Variants in BTBD8 observed in about 807,000 individuals in gnomAD.
The protein encoded by BTBD8 is BTB/POZ domain-containing protein 8.
Under a neutral mutation model 162.9 loss-of-function variants are expected in BTBD8, and 110 were observed. The ratio of observed to expected loss-of-function variants is 0.68; its 90% CI spans 0.58 to 0.79. The LOEUF (loss-of-function observed/expected upper bound fraction) is 0.79. Among genes scored for constraint, BTBD8 ranks in the 30% least tolerant of loss-of-function variants. The pLI is 0.00. For synonymous variants in BTBD8, 667 were observed against 716.1 expected (o/e 0.93, Z 1.10); for missense variants, 1,905 against 2,085.4 (o/e 0.91, Z 1.68).
At position 92,147,733 on chromosome 1, in the gene BTBD8, A is replaced by G. The variant is rs556640004; in HGVS notation, c.1069A>G (p.Asn357Asp). 2.5e-6 allele frequency: 4 copies of G among 1,613,702 alleles called. No individual in the cohort carries two copies. Among genetic ancestry groups the G allele is most frequent in the African/African-American group, 2.7e-5 (2 of 75,026 alleles). ...GTTTTGGTCTGAGAGAAGCTTTGCA[A>G]ATATACCTCCTGAGATTCAGAAAAG... ...ARFWSERSFA[N>D]IPPEIQKSCL... The change falls in exon 9 of 18, where the codon AAT becomes GAT. Residue 357 changes from asparagine to aspartate, a missense_variant. Asn to Asp is a conservative substitution (Grantham distance 23). This residue lies in a region of BTBD8 where 1,374 missense variants were observed against 1,442.7 expected (regional missense o/e 0.95). Coordinates refer to ENST00000636805, the MANE Select transcript of BTBD8 (RefSeq NM_001376131.1).
chr1:92,126,085 C>G, intron 4 of BTBD8: 1 of 490,382 alleles, frequency 2.0e-6, no homozygotes. Flanking sequence ...AGTAAAGTGT[C>G]TATTTTAGAG....
intron 9 of BTBD8, among the ~76,000 whole-genome samples, chr1:92,161,544 C>A (rs1650273352): frequency 6.6e-6 from 1 of 152,098 alleles, no homozygotes; most frequent in South Asian, 2.1e-4. Flanking sequence ...TTTTAAAAAT[C>A]AAAGCGAAAC....
intron 4 of BTBD8, among the ~76,000 whole-genome samples, chr1:92,120,519 G>T (rs1056539018): frequency 3.9e-5 from 6 of 152,036 alleles, no homozygotes; most frequent in African/African-American, 1.5e-4. Flanking sequence ...AGCCAGTAAC[G>T]TAGTTGTTTA....
intron 9 of BTBD8, among the ~76,000 whole-genome samples, chr1:92,163,103 C>A (rs555463287): frequency 1.0e-3 from 159 of 151,496 alleles, no homozygotes; most frequent in African/African-American, 3.8e-3. Context: ...GCCTGTAATC[C>A]CAGCACTTTG....
intron 4 of BTBD8, among the ~76,000 whole-genome samples, chr1:92,117,327 T>G (rs529568674): frequency 4.9e-5 from 7 of 143,958 alleles, no homozygotes; most frequent in African/African-American, 1.6e-4. Flanking sequence ...TGAACTTTAT[T>G]GTTTTTCTTG....
At chr1:92,171,490 T>C in intron 13 of BTBD8, 30 bp downstream of exon 13, 1 of 1,309,026 alleles carries the variant, frequency 7.6e-7, no homozygotes, top group East Asian at 2.6e-5. Context: ...TAGGTACAAA[T>C]GAAAAAGATA....
Position 92,147,321 on chromosome 1 carries a change from T to C in BTBD8, c.1019+53T>C. 2.0e-6 allele frequency: 3 copies of C among 1,475,722 alleles called. No individual in the cohort carries two copies. The South Asian group carries it at 3.6e-5, about 18-fold the overall frequency. 91.4% of individuals were successfully genotyped at this position (1,475,722 alleles called of 1,614,324 possible). On this transcript the variant is annotated intron_variant, in intron 8 of 17. Coordinates refer to ENST00000636805, the MANE Select transcript of BTBD8 (RefSeq NM_001376131.1). ...TATTAATTTAGGGATTTTGTTTTTCTGTTCTTCTAATTTTGTGGGGAACTT... is the reference window on the plus strand; with the variant it reads ...TATTAATTTAGGGATTTTGTTTTTCCGTTCTTCTAATTTTGTGGGGAACTT...
At chr1:92,101,730 C>T (rs12087282) in intron 2 of BTBD8, among the ~76,000 whole-genome samples, 6,265 of 152,192 alleles carry the variant, frequency 0.041, 466 homozygotes, top group African/African-American at 0.14. Flanking sequence ...CAGGGTTTCA[C>T]TCTGTTGCCC....
intron 3 of BTBD8, among the ~76,000 whole-genome samples, chr1:92,106,919 A>G (rs921476467): frequency 4.6e-5 from 7 of 151,946 alleles, no homozygotes; most frequent in African/African-American, 2.4e-5. Context: ...TATATAAAAC[A>G]TAAAAGTAGC....
chr1:92,184,329 AAGT>A lies in BTBD8; in HGVS notation c.5379_*2del. 1.3e-6 allele frequency: 2 copies of A among 1,533,246 alleles called. No individual in the cohort carries two copies. Among genetic ancestry groups the A allele is most frequent in the South Asian group, 1.2e-5 (1 of 81,608 alleles). The allele number at this position is 1,533,246 out of a possible 1,614,324, so 95.0% of individuals were successfully genotyped here. A position where few individuals can be genotyped will look rare whatever the true frequency, so the allele number is the denominator to read the frequency against. On this transcript the variant is annotated stop_retained_variant and 3_prime_UTR_variant, in exon 18 of 18. Coordinates refer to ENST00000636805, the MANE Select transcript of BTBD8 (RefSeq NM_001376131.1). ...ATTCTGGAACTGGAAACTCAGCATT[AAGT>A]GTTAACATTTTGGAAAAATTTATGC...
intron 9 of BTBD8, among the ~76,000 whole-genome samples, chr1:92,161,913 C>T (rs1407769982): frequency 2.6e-5 from 4 of 152,138 alleles, no homozygotes; most frequent in Non-Finnish European, 5.9e-5. Flanking sequence ...CACAAAAGAT[C>T]TCTTAGCCTT....
intron 5 of BTBD8, among the ~76,000 whole-genome samples, chr1:92,137,372 A>G (rs561278909): frequency 4.6e-5 from 7 of 152,310 alleles, no homozygotes; most frequent in African/African-American, 1.7e-4. Context: ...ATACGGTCAT[A>G]GTACAGATGG....
intron 4 of BTBD8, among the ~76,000 whole-genome samples, chr1:92,128,716 G>A (rs1649431807): frequency 6.6e-6 from 1 of 152,014 alleles, no homozygotes; most frequent in Non-Finnish European, 1.5e-5. Context: ...CACCGTGCCT[G>A]GCCTATTATT....
chr1:92,084,769 A>G (rs552260355), intron 1 of BTBD8, among the ~76,000 whole-genome samples: 2 of 152,294 alleles, frequency 1.3e-5, no homozygotes, highest in African/African-American at 4.8e-5. Flanking sequence ...TGAGGTTAAT[A>G]GAGGTTCAGC....
chr1:92,092,157 T>TG (rs1171541802), intron 2 of BTBD8, among the ~76,000 whole-genome samples: 1 of 151,954 alleles, frequency 6.6e-6, no homozygotes, highest in Non-Finnish European at 1.5e-5. Flanking sequence ...TCCCAGCACT[T>TG]TGGGGGGCTG....
intron 16 of BTBD8, among the ~76,000 whole-genome samples, chr1:92,179,072 C>A (rs1442531737): frequency 6.6e-6 from 1 of 151,840 alleles, no homozygotes; most frequent in Non-Finnish European, 1.5e-5. Flanking sequence ...ATGGTGAAAC[C>A]CCATCTCTAC....
intron 4 of BTBD8, 49 bp downstream of exon 4, chr1:92,108,050 G>T: frequency 6.6e-7 from 1 of 1,511,202 alleles, no homozygotes; most frequent in South Asian, 1.1e-5. Context: ...TGTAGAGTGT[G>T]GAAGGGCAGC....
intron 4 of BTBD8, among the ~76,000 whole-genome samples, chr1:92,118,803 C>CTTTTTTTTTTTTTTTTTTTTT (rs386367658): frequency 8.4e-5 from 8 of 95,282 alleles, no homozygotes; most frequent in Non-Finnish European, 9.5e-5. Context: ...TTCTTTCTTT[C>CTTTTTTTTTTTTTTTTTTTTT]TTTTTTTTTT....
intron 4 of BTBD8, chr1:92,114,953 A>T (rs1480462665): frequency 1.0e-5 from 3 of 289,964 alleles, no homozygotes; most frequent in Non-Finnish European, 2.0e-5. Flanking sequence ...TCACTGTTAA[A>T]GTTGGAGGAG....
Sources: allele counts gnomAD v4.1 joint callset (sites outside exome capture counted in the v4.1 genomes callset), GRCh38; gene constraint gnomAD v4.1.1; regional missense constraint gnomAD v4.1.1; transcripts MANE v1.5; gene names NCBI Gene and HGNC (gene_info 2026-07-23, HGNC 2026-07-21).